Variants in C16orf96 observed in about 807,000 individuals in gnomAD.
The protein encoded by C16orf96 is chromosome 16 open reading frame 96, also known as uncharacterized protein C16orf96.
Under a neutral mutation model 103.6 loss-of-function variants are expected in C16orf96, and 108 were observed. The ratio of observed to expected loss-of-function variants is 1.04; its 90% CI spans 0.89 to 1.22. The LOEUF (loss-of-function observed/expected upper bound fraction) is 1.22, where lower values mean the gene tolerates loss of function less well. Among genes scored for constraint, C16orf96 ranks in the 50% most tolerant of loss-of-function variants. C16orf96 has a pLI of 0.00. For missense variants in C16orf96, 1,586 were observed against 1,464.2 expected (o/e 1.08, Z -1.36); for synonymous variants, 566 against 593.5 (o/e 0.95, Z 0.67).
At position 4,600,502 on chromosome 16, in the gene C16orf96, C is replaced by G. The variant is rs1897262565; in HGVS notation, c.*185C>G. Reference sequence around the variant, plus strand: ...TGAGGCTCATGCGCCCCCCCCCATCCCTACCAAGTCCCCTCCACGTCCGAG... The same window carrying G: ...TGAGGCTCATGCGCCCCCCCCCATCGCTACCAAGTCCCCTCCACGTCCGAG... On this transcript the variant is annotated 3_prime_UTR_variant, in exon 16 of 16. Transcript: ENST00000444310. 3 of 474,118 alleles carry G rather than the reference C, an allele frequency of 6.3e-6. No individual in the cohort carries two copies. In the Admixed American group the frequency reaches 1.1e-4, roughly 17 times the overall value. The allele number at this position is 474,118 out of a possible 1,614,324, so 29.4% of individuals were successfully genotyped here.
intron 7 of C16orf96, among the ~76,000 whole-genome samples, chr16:4,581,991 C>T (rs1215067178): frequency 6.6e-6 from 1 of 151,656 alleles, no homozygotes; most frequent in African/African-American, 2.4e-5. Flanking sequence ...AAGCAAAAAA[C>T]TCACTAACGG....
intron 15 of C16orf96, 59 bp from the exon 16 acceptor site, chr16:4,600,041 C>T (rs1482404408): frequency 2.8e-6 from 4 of 1,451,620 alleles, no homozygotes; most frequent in East Asian, 2.5e-5. Context: ...CCCCATCAGG[C>T]TAGTGTCTCC....
In C16orf96 at chr16:4,556,663, G is replaced by A. The variant is rs992111841; in HGVS notation, c.174G>A (p.Val58=). The change falls in exon 1 of 16, where the codon GTG becomes GTA. Residue 58 remains valine, a synonymous_variant. Transcript: ENST00000444310. ...AGGACTTCCTGCAGACCTCGCAGGT[G>A]GTCATCATGCCCAGGGAAGGAGACG... The part of the protein sequence containing the change: ...GDEDFLQTSQ[V]VIMPREGDAQ... The A allele has an allele frequency of 6.4e-7, 1 of 1,551,462 alleles. No individual in the cohort carries two copies. The highest frequency in any genetic ancestry group is 2.4e-5 in the East Asian group (1 of 40,938).
chr16:4,571,997 G>A (rs907146865), intron 2 of C16orf96, among the ~76,000 whole-genome samples: 2 of 151,374 alleles, frequency 1.3e-5, no homozygotes, highest in African/African-American at 4.9e-5. Context: ...TTACAGGCAC[G>A]CACCACCACA....
chr16:4,584,353 A>C (rs1338817604), intron 7 of C16orf96, among the ~76,000 whole-genome samples: 1 of 7,184 alleles, frequency 1.4e-4, no homozygotes, highest in African/African-American at 1.9e-4. Flanking sequence ...ATGCCTGGCT[A>C]ATTTTTTTTT....
At chr16:4,563,847 G>C (rs1245078244) in intron 1 of C16orf96, among the ~76,000 whole-genome samples, 3 of 151,462 alleles carry the variant, frequency 2.0e-5, no homozygotes, top group Admixed American at 6.6e-5. Context: ...GGGATTACAG[G>C]CATGAGCCAC....
intron 1 of C16orf96, 32 bp from the exon 2 acceptor site, chr16:4,571,529 C>T (rs1322592698): frequency 6.5e-7 from 1 of 1,535,236 alleles, no homozygotes; most frequent in Admixed American, 2.0e-5. Flanking sequence ...CCAGCCATAC[C>T]CGGCTTCACA....
chr16:4,576,402 A>C lies in C16orf96; in HGVS notation c.1922A>C (p.Asp641Ala). ...ACAGAATCCCAGATCTTGGGCGATG[A>C]TTCCGAAATCTACGAAATCCTCTCT... is the stretch of plus-strand genomic sequence containing the variant. ...GATESQILGDDSEIYEILSPS... is the reference protein window; with the variant it reads ...GATESQILGDASEIYEILSPS... Residue 641 changes from aspartate to alanine, a missense_variant, in exon 5 of 16, where the codon GAT becomes GCT. By Grantham distance (126) the Asp-to-Ala change is moderately radical (BLOSUM62 -2). Transcript: ENST00000444310. 1 of 1,551,100 alleles carries C rather than the reference A, an allele frequency of 6.4e-7. No individual in the cohort carries two copies. The highest frequency in any genetic ancestry group is 8.7e-7 in the Non-Finnish European group (1 of 1,147,012).
the C16orf96 span, among the ~76,000 whole-genome samples, chr16:4,549,564 G>A: frequency 2.2e-4 from 34 of 151,590 alleles, no homozygotes; most frequent in Middle Eastern, 3.4e-3. Context: ...TTGGGAGGCC[G>A]AGGCAGGTGG....
intron 9 of C16orf96, 46 bp downstream of exon 9, chr16:4,588,377 C>T: frequency 6.6e-7 from 1 of 1,516,474 alleles, no homozygotes. Flanking sequence ...AACAAATTAA[C>T]CCAGAACTTA....
chr16:4,552,951 C>T (rs904313850), upstream of C16orf96, among the ~76,000 whole-genome samples: 6 of 152,112 alleles, frequency 3.9e-5, no homozygotes, highest in East Asian at 1.9e-4. Context: ...ACAGCTCCTT[C>T]GGAGCTATCA....
the C16orf96 span, among the ~76,000 whole-genome samples, chr16:4,546,247 C>T: frequency 6.6e-6 from 1 of 151,176 alleles, no homozygotes; most frequent in Admixed American, 6.6e-5. Flanking sequence ...CAAGCTCCAC[C>T]TCCCAGGTTC....
intron 1 of C16orf96, among the ~76,000 whole-genome samples, chr16:4,558,977 C>T (rs1200948118): frequency 6.6e-6 from 1 of 151,212 alleles, no homozygotes; most frequent in African/African-American, 2.4e-5. Context: ...CCCAGCTACT[C>T]GGGAGGCTGA....
In C16orf96 at chr16:4,588,265, G is replaced by T. The variant is rs1262020693; in HGVS notation, c.2526G>T (p.Lys842Asn). Residue 842 changes from lysine to asparagine, a missense_variant, in exon 9 of 16, where the codon AAG becomes AAT. By Grantham distance (94) the Lys-to-Asn change is moderately conservative (BLOSUM62 0). Transcript: ENST00000444310. ...LNEMIQGILF[K>N]VTIHEDSWKK... ...AGATGATTCAGGGCATACTCTTCAA[G>T]GTCACGATCCATGAGGACAGCTGGA... 1 of 1,551,734 alleles carries T rather than the reference G, an allele frequency of 6.4e-7. No homozygotes were observed. The highest frequency in any genetic ancestry group is 2.4e-5 in the East Asian group (1 of 40,922).
chr16:4,574,408 G>T (rs527911767), intron 2 of C16orf96, among the ~76,000 whole-genome samples: 1 of 152,170 alleles, frequency 6.6e-6, no homozygotes, highest in African/African-American at 2.4e-5. Context: ...TTTTAGTAGA[G>T]ACGGTGTTTC....
chr16:4,587,554 A>G (rs1173368354), intron 8 of C16orf96, among the ~76,000 whole-genome samples: 1 of 150,432 alleles, frequency 6.6e-6, no homozygotes, highest in African/African-American at 2.4e-5. Flanking sequence ...AAAAAGAAAG[A>G]AAGAAAAAGA....
chr16:4,575,538 T>C lies in C16orf96; in HGVS notation c.1058T>C (p.Val353Ala), dbSNP rs1368334338. ...ELEPVPALGP[V>A]PGPSVTPGSL... ...GAGCCTGTGCCTGCCCTGGGGCCTG[T>C]CCCAGGGCCCAGTGTGACACCTGGG... Residue 353 changes from valine (V) to alanine (A), a missense_variant, in exon 5 of 16, where the codon GTC becomes GCC. Val to Ala is a moderately conservative substitution (Grantham distance 64). Coordinates refer to ENST00000444310, the MANE Select transcript of C16orf96 (RefSeq NM_001145011.2). 1.2e-5 allele frequency: 19 copies of C among 1,540,666 alleles called. No individual in the cohort carries two copies. The Admixed American group carries it at 3.8e-4, about 31-fold the overall frequency.
At chr16:4,549,345 T>C in the C16orf96 span, among the ~76,000 whole-genome samples, 510 of 151,280 alleles carry the variant, frequency 3.4e-3, 4 homozygotes, top group East Asian at 0.012. Flanking sequence ...TGGTGGCGGG[T>C]GCCTGTAGTC....
chr16:4,551,704 G>A (rs1274695881), upstream of C16orf96, among the ~76,000 whole-genome samples: 2 of 151,962 alleles, frequency 1.3e-5, no homozygotes, highest in African/African-American at 2.4e-5. Context: ...TGCCCACCTC[G>A]GCCTCCCAAA....
Sources: gnomAD v4.1 joint callset for allele counts (sites outside exome capture counted in the v4.1 genomes callset) on GRCh38, gnomAD v4.1.1 for gene constraint, MANE v1.5 for transcripts, NCBI Gene and HGNC (gene_info 2026-07-23, HGNC 2026-07-21) for gene names.